Variants in FAM227A observed in about 807,000 individuals in gnomAD.
The protein encoded by FAM227A is family with sequence similarity 227 member A.
In FAM227A, 80 loss-of-function variants were observed where a neutral mutation model predicts 74.7. That is an observed-to-expected ratio of 1.07 (90% CI 0.89 to 1.29). The LOEUF is 1.29. FAM227A is among the 50% of genes most tolerant of loss of function. FAM227A has a pLI of 0.00. For missense variants in FAM227A, 654 were observed against 683.4 expected, an observed-to-expected ratio of 0.96 and a Z score of 0.48; for synonymous variants, 237 against 241.8, an observed-to-expected ratio of 0.98 and a Z score of 0.19.
At chr22:38,593,454 G>A (rs963351970) in intron 15 of FAM227A, among the ~76,000 whole-genome samples, 14 of 152,260 alleles carry the variant, frequency 9.2e-5, no homozygotes, top group East Asian at 3.9e-4. Context: ...GCAGTGAGCC[G>A]AGACTGCGCC....
At chr22:38,612,622 T>A (rs957696088) in intron 11 of FAM227A, among the ~76,000 whole-genome samples, 4 of 152,188 alleles carry the variant, frequency 2.6e-5, no homozygotes, top group African/African-American at 9.7e-5. Flanking sequence ...ACATTTCACC[T>A]AGGCTCTACC....
intron 11 of FAM227A, among the ~76,000 whole-genome samples, chr22:38,615,912 G>A (rs1027276833): frequency 6.6e-6 from 1 of 152,122 alleles, no homozygotes; most frequent in Non-Finnish European, 1.5e-5. Context: ...TTCCTCACCT[G>A]GATTGAGGTT....
At position 38,591,499 on chromosome 22, in the gene FAM227A, T is replaced by C. The variant is rs776208813; in HGVS notation, c.1574A>G (p.Lys525Arg). ...AGGTGGGATGAACATGTGGTTTGCC[T>C]TTTTTGTATCTGCTGCTTTTGGATC... Reference protein sequence around the residue: ...NIDPKAADTKKANHMFIPPSA... With the variant: ...NIDPKAADTKRANHMFIPPSA... The change falls in exon 16 of 17, where the codon AAG becomes AGG. Residue 525 changes from lysine (K) to arginine (R), a missense_variant. Lys to Arg is a conservative substitution (Grantham distance 26). Coordinates refer to ENST00000535113, the MANE Select transcript of FAM227A (RefSeq NM_001013647.2). 8.4e-6 allele frequency: 13 copies of C among 1,548,188 alleles called. No homozygotes were observed. In the South Asian group the frequency reaches 1.2e-4, roughly 14 times the overall value.
chr22:38,608,920 C>T lies in FAM227A; in HGVS notation c.1039-1444G>A, dbSNP rs544027837. 4.0e-5 allele frequency among the ~76,000 whole-genome samples: 6 copies of T among 151,564 alleles called. No homozygotes were observed. In the East Asian group the frequency reaches 7.7e-4, roughly 19 times the overall value. ...AAGTGATACTCCTGCCTCAGCTCCC[C>T]GAGTAGCTGGGATTACAGGTGTGTG... On this transcript the variant is annotated intron_variant, in intron 11 of 16. Transcript: ENST00000535113.
chr22:38,654,254 A>G (rs2092359691), intron 1 of FAM227A, among the ~76,000 whole-genome samples: 2 of 152,122 alleles, frequency 1.3e-5, no homozygotes, highest in Non-Finnish European at 2.9e-5. Flanking sequence ...AGGCTGAGGC[A>G]GGAGAATTGC....
rs548108238 is a variant in FAM227A, at chr22:38,585,110, T to G, written c.*1015A>C. The G allele has an allele frequency of 5.3e-5, 8 of 152,306 alleles. No homozygotes were observed. The highest frequency in any genetic ancestry group is 1.9e-4 in the African/African-American group (8 of 41,570). 9.4% of individuals were successfully genotyped at this position (152,306 alleles called of 1,614,324 possible). A position where few individuals can be genotyped will look rare whatever the true frequency, so the allele number is the denominator to read the frequency against. ...ACGCCTGGCCTAATTTAAAATTTTT[T>G]AATTAAAAAAATTAATTTACATTTA... On this transcript the variant is annotated 3_prime_UTR_variant, in exon 17 of 17. Transcript: ENST00000535113.
At chr22:38,635,737 A>G (rs558960540) in intron 6 of FAM227A, among the ~76,000 whole-genome samples, 2 of 152,234 alleles carry the variant, frequency 1.3e-5, no homozygotes, top group Middle Eastern at 3.2e-3. Context: ...TCACACCTGT[A>G]ATCCCAGCAC....
intron 7 of FAM227A, 90 bp downstream of exon 7, chr22:38,628,744 G>A: frequency 2.5e-6 from 2 of 813,270 alleles, no homozygotes; most frequent in Non-Finnish European, 4.1e-6. Flanking sequence ...TGGGATCAGA[G>A]GGGCTTGTAG....
intron 7 of FAM227A, among the ~76,000 whole-genome samples, 184 bp downstream of exon 7, chr22:38,628,650 G>C (rs1385098449): frequency 6.6e-6 from 1 of 152,176 alleles, no homozygotes; most frequent in Non-Finnish European, 1.5e-5. Context: ...GCAGGGCATT[G>C]TGCAATGGCT....
Position 38,585,876 on chromosome 22 carries a change from A to G in FAM227A, c.*249T>C. The G allele has an allele frequency of 1.3e-6, 1 of 782,340 alleles. No homozygotes were observed. Among genetic ancestry groups the G allele is most frequent in the Non-Finnish European group, 2.0e-6 (1 of 511,040 alleles). 48.5% of individuals were successfully genotyped at this position (782,340 alleles called of 1,614,324 possible). ...AGGTCATATTTGTAACATACTTACC[A>G]GCATGCACGTAATAAAATACTGAAA... On this transcript the variant is annotated 3_prime_UTR_variant, in exon 17 of 17. Transcript: ENST00000535113.
intron 11 of FAM227A, among the ~76,000 whole-genome samples, chr22:38,614,518 C>T (rs1444437707): frequency 6.6e-6 from 1 of 152,164 alleles, no homozygotes; most frequent in Non-Finnish European, 1.5e-5. Context: ...TGTGGACTCT[C>T]AGACAGACTA....
chr22:38,578,246 A>C lies in FAM227A; in HGVS notation c.*7879T>G, dbSNP rs1569177853. Reference sequence around the variant, plus strand: ...AAACACGTGACTAATGCGTTACGCTATGACATTACGAAGGCTAAGAGTCGC... The same window carrying C: ...AAACACGTGACTAATGCGTTACGCTCTGACATTACGAAGGCTAAGAGTCGC... On this transcript the variant is annotated 3_prime_UTR_variant, in exon 17 of 17. Transcript: ENST00000535113. 1 of 152,184 alleles carries C rather than the reference A, an allele frequency of 6.6e-6. No homozygotes were observed. The highest frequency in any genetic ancestry group is 2.4e-5 in the African/African-American group (1 of 41,440). 9.4% of individuals were successfully genotyped at this position (152,184 alleles called of 1,614,324 possible).
Position 38,641,551 on chromosome 22 carries a change from CAA to C in FAM227A, c.226-1829_226-1828del, listed in dbSNP as rs34059145. On this transcript the variant is annotated intron_variant, in intron 3 of 16. Transcript: ENST00000535113. The stretch of plus-strand genomic sequence containing the variant: ...GGGCGACAAGAGTGAAACTCCATCT[CAA>C]AAAAAAAAAAAAAAACAAAACAAAG... 1.2e-3 allele frequency among the ~76,000 whole-genome samples: 133 copies of C among 109,192 alleles called. 2 individuals are homozygous for C. Among genetic ancestry groups the C allele is most frequent in the African/African-American group, 2.3e-3 (80 of 34,544 alleles). The allele number at this position is 109,192 out of a possible 152,430, so 71.6% of individuals were successfully genotyped here.
chr22:38,649,816 T>A, intron 2 of FAM227A: 1 of 472,224 alleles, frequency 2.1e-6, no homozygotes, highest in Non-Finnish European at 3.7e-6. Flanking sequence ...TGCAGTGAGC[T>A]GGGACTGTGC....
At chr22:38,654,653 G>A (rs1325126350) in intron 1 of FAM227A, among the ~76,000 whole-genome samples, 1 of 151,324 alleles carries the variant, frequency 6.6e-6, no homozygotes, top group Non-Finnish European at 1.5e-5. Context: ...ACAAAAGGCT[G>A]GGCGCGGTGG....
chr22:38,628,272 A>G lies in FAM227A; in HGVS notation c.692T>C (p.Val231Ala), dbSNP rs1194400585. The G allele has an allele frequency of 6.4e-7, 1 of 1,551,406 alleles. No individual in the cohort carries two copies. Among genetic ancestry groups the G allele is most frequent in the Non-Finnish European group, 8.7e-7 (1 of 1,146,718 alleles). Residue 231 changes from valine (V) to alanine (A), a missense_variant, in exon 8 of 17, where the codon GTA (valine) becomes GCA (alanine). By Grantham distance (64) the Val-to-Ala change is moderately conservative. Coordinates refer to ENST00000535113, the MANE Select transcript of FAM227A (RefSeq NM_001013647.2). ...AQHYALLLFR[V>A]PKSHSEEALL... The stretch of plus-strand genomic sequence containing the variant: ...CGCCTCTTCAGAGTGGGACTTGGGT[A>G]CACGAAACAAAAGTAAGGCATAGTG...
At chr22:38,630,087 C>T (rs1006024886) in intron 6 of FAM227A, among the ~76,000 whole-genome samples, 5 of 147,172 alleles carry the variant, frequency 3.4e-5, no homozygotes, top group Admixed American at 2.0e-4. Context: ...CATCAGGAAG[C>T]GTGCCTCTTC....
At chr22:38,610,131 G>A (rs1316120930) in intron 11 of FAM227A, among the ~76,000 whole-genome samples, 2 of 152,214 alleles carry the variant, frequency 1.3e-5, no homozygotes, top group African/African-American at 4.8e-5. Context: ...CTGGAGTGCA[G>A]TGGTGCAATG....
Position 38,591,507 on chromosome 22 carries a change from A to T in FAM227A, c.1566T>A (p.Asp522Glu). The T allele has an allele frequency of 6.5e-7, 1 of 1,548,446 alleles. No individual in the cohort carries two copies. The highest frequency in any genetic ancestry group is 8.7e-7 in the Non-Finnish European group (1 of 1,145,984). The change falls in exon 16 of 17, where the codon GAT becomes GAA. Residue 522 changes from aspartate to glutamate, a missense_variant. Coordinates refer to ENST00000535113, the MANE Select transcript of FAM227A (RefSeq NM_001013647.2). The stretch of plus-strand genomic sequence containing the variant: ...TGAACATGTGGTTTGCCTTTTTTGT[A>T]TCTGCTGCTTTTGGATCAATATTCT... ...EMKNIDPKAA[D>E]TKKANHMFIP...
Sources: allele counts gnomAD v4.1 joint callset (sites outside exome capture counted in the v4.1 genomes callset), GRCh38; gene constraint gnomAD v4.1.1; transcripts MANE v1.5; gene names NCBI Gene and HGNC (gene_info 2026-07-23, HGNC 2026-07-21).